ADGRL2: variants seen among roughly 807,000 people sequenced by gnomAD.
ADGRL2 encodes calcium-independent alpha-latrotoxin receptor 2.
In ADGRL2, 44 loss-of-function variants were observed where a neutral mutation model predicts 157.4. The ratio of observed to expected loss-of-function variants is 0.28; its 90% CI spans 0.22 to 0.36. The LOEUF (loss-of-function observed/expected upper bound fraction) is 0.36, where lower values mean the gene tolerates loss of function less well. ADGRL2 is among the 10% of genes least tolerant of loss of function. ADGRL2 has a pLI of 1.00. For synonymous variants in ADGRL2, 585 were observed against 624.7 expected, an observed-to-expected ratio of 0.94 and a Z score of 0.95; for missense variants, 1,510 against 1,768.9, an observed-to-expected ratio of 0.85 and a Z score of 2.63.
At chr1:81,817,269 C>A (rs1457083996) in intron 1 of ADGRL2, among the ~76,000 whole-genome samples, 1 of 149,862 alleles carries the variant, frequency 6.7e-6, no homozygotes, top group Non-Finnish European at 1.5e-5. Flanking sequence ...GTAGGCCTTC[C>A]GTCCCATTTT....
At chr1:81,653,522 A>G (rs889406676) in intron 3 of ADGRL2, among the ~76,000 whole-genome samples, 2 of 152,174 alleles carry the variant, frequency 1.3e-5, no homozygotes, top group African/African-American at 2.4e-5. Flanking sequence ...AAATGTGTTT[A>G]GGCTGCTTCC....
At chr1:81,709,551 CA>C (rs5775631) in intron 1 of ADGRL2, among the ~76,000 whole-genome samples, 47,762 of 151,126 alleles carry the variant, frequency 0.32, 7,523 homozygotes, top group Admixed American at 0.39. Context: ...AAAAACAAAA[CA>C]AAAAAAACCT....
intron 1 of ADGRL2, among the ~76,000 whole-genome samples, chr1:81,314,356 T>C (rs553485782): frequency 3.3e-5 from 5 of 152,320 alleles, no homozygotes; most frequent in East Asian, 1.9e-4. Context: ...GAAGCAACAA[T>C]GTCCAGTTTG....
At chr1:81,470,789 C>T (rs538275084) in intron 2 of ADGRL2, among the ~76,000 whole-genome samples, 1 of 152,236 alleles carries the variant, frequency 6.6e-6, no homozygotes, top group South Asian at 2.1e-4. Flanking sequence ...GATCAAAAAG[C>T]AAATTTCAGT....
In ADGRL2 at chr1:81,617,144, G is replaced by C. The variant is rs2081674360; in HGVS notation, c.-143+36164G>C. On this transcript the variant is annotated intron_variant, in intron 3 of 24. Coordinates refer to the ADGRL2 transcript ENST00000370721. ...TTAGGAACCTGGTTGCATGGCAGGA[G>C]GTGAACTTCTATGAGCCGGCATTGC... Among the ~76,000 whole-genome samples, 4 of 152,358 alleles carry C rather than the reference G, an allele frequency of 2.6e-5. No homozygotes were observed. In the South Asian group the frequency reaches 8.3e-4, roughly 32 times the overall value.
chr1:81,350,266 G>A (rs928050645), intron 1 of ADGRL2, among the ~76,000 whole-genome samples: 4 of 152,106 alleles, frequency 2.6e-5, no homozygotes, highest in South Asian at 2.1e-4. Context: ...TGTATTAAAT[G>A]ATACAGTGAT....
At chr1:81,786,109 A>C (rs1252710632) in intron 2 of ADGRL2, among the ~76,000 whole-genome samples, 2 of 152,108 alleles carry the variant, frequency 1.3e-5, no homozygotes, top group African/African-American at 4.8e-5. Flanking sequence ...ATCTCCAAAA[A>C]ATAAAATAAA....
At chr1:81,639,330 C>T (rs796206033) in intron 3 of ADGRL2, among the ~76,000 whole-genome samples, 60 of 152,210 alleles carry the variant, frequency 3.9e-4, no homozygotes, top group African/African-American at 1.4e-3. Context: ...TTCAGCCTCC[C>T]AAAGTGCTGG....
chr1:81,945,684 A>C (rs1572282286), intron 6 of ADGRL2, among the ~76,000 whole-genome samples: 1 of 152,202 alleles, frequency 6.6e-6, no homozygotes, highest in East Asian at 1.9e-4. Flanking sequence ...CAGCCTTGAA[A>C]ATGAGAAGCT....
intron 3 of ADGRL2, among the ~76,000 whole-genome samples, chr1:81,582,349 A>G (rs913444464): frequency 2.0e-5 from 3 of 152,180 alleles, no homozygotes; most frequent in Admixed American, 2.0e-4. Context: ...CCGATTGATC[A>G]AAATAACTAT....
At chr1:81,664,636 A>T (rs1346092890) in intron 3 of ADGRL2, among the ~76,000 whole-genome samples, 1 of 152,202 alleles carries the variant, frequency 6.6e-6, no homozygotes, top group East Asian at 1.9e-4. Flanking sequence ...TTCAGAAAGA[A>T]CACACGCTGA....
At chr1:81,596,374 C>T in intron 3 of ADGRL2, 1 of 508,570 alleles carries the variant, frequency 2.0e-6, no homozygotes, top group Non-Finnish European at 3.8e-6. Flanking sequence ...AGATTCTTTT[C>T]CTTTCCTCCT....
chr1:81,916,554 A>G (rs1220933922), intron 3 of ADGRL2, among the ~76,000 whole-genome samples: 1 of 151,984 alleles, frequency 6.6e-6, no homozygotes, highest in Non-Finnish European at 1.5e-5. Flanking sequence ...CATGTTTTCT[A>G]CCAGTTAAAA....
chr1:81,452,909 G>A (rs2077728736), intron 2 of ADGRL2, among the ~76,000 whole-genome samples: 1 of 152,164 alleles, frequency 6.6e-6, no homozygotes, highest in African/African-American at 2.4e-5. Flanking sequence ...ATCATGAGGT[G>A]TCAGGACAAT....
intron 6 of ADGRL2, among the ~76,000 whole-genome samples, chr1:81,944,253 T>A (rs914883947): frequency 3.3e-5 from 5 of 152,024 alleles, no homozygotes; most frequent in African/African-American, 1.2e-4. Flanking sequence ...ATCCAATATT[T>A]TTCTAGATTA....
At chr1:81,782,914 A>T (rs1294732185) in intron 2 of ADGRL2, among the ~76,000 whole-genome samples, 1 of 150,774 alleles carries the variant, frequency 6.6e-6, no homozygotes, top group East Asian at 1.9e-4. Context: ...GAAGGATCAG[A>T]GTAGGGAAGG....
At chr1:81,470,603 C>A (rs866058643) in intron 2 of ADGRL2, among the ~76,000 whole-genome samples, 4 of 152,160 alleles carry the variant, frequency 2.6e-5, no homozygotes, top group South Asian at 4.1e-4. Flanking sequence ...GAAACACACA[C>A]AAAAACATTT....
intron 1 of ADGRL2, among the ~76,000 whole-genome samples, chr1:81,371,741 A>G (rs936635442): frequency 5.3e-5 from 8 of 152,284 alleles, no homozygotes; most frequent in African/African-American, 1.9e-4. Flanking sequence ...TGAACAAGAA[A>G]AATTATGCAC....
At chr1:81,496,103 T>C (rs1330810419) in intron 2 of ADGRL2, among the ~76,000 whole-genome samples, 1 of 152,266 alleles carries the variant, frequency 6.6e-6, no homozygotes, top group Non-Finnish European at 1.5e-5. Context: ...ATGCCATCAT[T>C]GATTAGACCA....
Sources: allele counts gnomAD v4.1 joint callset (sites outside exome capture counted in the v4.1 genomes callset), GRCh38; gene constraint gnomAD v4.1.1; transcripts MANE v1.5; gene names NCBI Gene and HGNC (gene_info 2026-07-23, HGNC 2026-07-21).